The following PDE4D variants were observed in gnomAD, a reference collection of about 807,000 sequenced individuals.
The protein encoded by PDE4D is phosphodiesterase 4D, also known as 3',5'-cyclic-AMP phosphodiesterase 4D.
Under a neutral mutation model 87.4 loss-of-function variants are expected in PDE4D, and 24 were observed. That is an observed-to-expected ratio of 0.27 (90% CI 0.20 to 0.39). The LOEUF is 0.39. Ranked by LOEUF, PDE4D falls within the 10% of genes least tolerant of loss-of-function variation. PDE4D has a pLI of 1.00. For synonymous variants in PDE4D, 384 were observed against 383.2 expected (o/e 1.00, Z -0.02); for missense variants, 714 against 1,041.0 (o/e 0.69, Z 4.32).
chr5:60,225,939 G>A (rs1454354744), intron 1 of PDE4D, among the ~76,000 whole-genome samples: 2 of 151,994 alleles, frequency 1.3e-5, no homozygotes, highest in Non-Finnish European at 2.9e-5. Context: ...TGCTCCTAAC[G>A]ACTGGGCTAC....
At chr5:59,229,250 G>C (rs775065333) in intron 1 of PDE4D, among the ~76,000 whole-genome samples, 1 of 152,036 alleles carries the variant, frequency 6.6e-6, no homozygotes, top group Admixed American at 6.6e-5. Flanking sequence ...GAATACATGG[G>C]TATCTTTAGA....
At chr5:60,275,838 T>C (rs1751305120) in intron 1 of PDE4D, among the ~76,000 whole-genome samples, 1 of 152,190 alleles carries the variant, frequency 6.6e-6, no homozygotes, top group Admixed American at 6.5e-5. Context: ...TTTGTACTTT[T>C]GTTAAGCTTA....
intron 11 of PDE4D, among the ~76,000 whole-genome samples, chr5:58,981,803 T>G (rs1302509668): frequency 6.6e-6 from 1 of 152,130 alleles, no homozygotes; most frequent in Non-Finnish European, 1.5e-5. Flanking sequence ...CTGCCTGGAT[T>G]GGGTTATTTT....
At chr5:59,245,963 G>C (rs1758763732) in intron 1 of PDE4D, among the ~76,000 whole-genome samples, 1 of 151,532 alleles carries the variant, frequency 6.6e-6, no homozygotes, top group Non-Finnish European at 1.5e-5. Context: ...ACAAGTGTGT[G>C]TGTGTGTCTG....
At chr5:60,277,913 A>G (rs1180958986) in intron 1 of PDE4D, among the ~76,000 whole-genome samples, 1 of 152,156 alleles carries the variant, frequency 6.6e-6, no homozygotes, top group African/African-American at 2.4e-5. Flanking sequence ...ACATACACTT[A>G]GAACCACACC....
chr5:60,138,499 T>C (rs550713645), intron 2 of PDE4D, among the ~76,000 whole-genome samples: 5 of 152,258 alleles, frequency 3.3e-5, no homozygotes, highest in African/African-American at 9.6e-5. Context: ...CCATGGTTTT[T>C]ATTTTTCCCT....
intron 1 of PDE4D, among the ~76,000 whole-genome samples, chr5:60,326,443 T>TTA (rs1756803170): frequency 6.6e-6 from 1 of 152,156 alleles, no homozygotes; most frequent in Admixed American, 6.5e-5. Flanking sequence ...ACTAGACACT[T>TTA]TAATTCAGCA....
chr5:59,625,343 C>T (rs1234289643), intron 1 of PDE4D, among the ~76,000 whole-genome samples: 1 of 152,084 alleles, frequency 6.6e-6, no homozygotes, highest in African/African-American at 2.4e-5. Flanking sequence ...TTGCAAGAAA[C>T]TGAATTCTTC....
intron 1 of PDE4D, among the ~76,000 whole-genome samples, chr5:59,732,424 A>ACACACACACACT (rs1162082425): frequency 2.0e-5 from 3 of 151,786 alleles, no homozygotes; most frequent in Non-Finnish European, 2.9e-5. Flanking sequence ...ACACACACAC[A>ACACACACACACT]CACTCACTCA....
chr5:59,766,540 TCAGA>T (rs1762818700), intron 1 of PDE4D, among the ~76,000 whole-genome samples: 1 of 152,168 alleles, frequency 6.6e-6, no homozygotes. Context: ...GTTGCTCCAC[TCAGA>T]CTGAAATCAA....
intron 1 of PDE4D, among the ~76,000 whole-genome samples, chr5:59,375,578 G>A (rs1216202525): frequency 6.6e-6 from 1 of 152,166 alleles, no homozygotes; most frequent in Non-Finnish European, 1.5e-5. Context: ...CCCAGGACCA[G>A]ACTGATTCAC....
chr5:59,841,648 A>G (rs979415415), intron 1 of PDE4D, among the ~76,000 whole-genome samples: 8 of 152,170 alleles, frequency 5.3e-5, no homozygotes, highest in East Asian at 1.9e-4. Context: ...TTACAATTCA[A>G]TGAGATGAGG....
intron 1 of PDE4D, among the ~76,000 whole-genome samples, chr5:60,381,034 G>C (rs1439673865): frequency 6.6e-6 from 1 of 152,172 alleles, no homozygotes; most frequent in Non-Finnish European, 1.5e-5. Flanking sequence ...CTGAACTTAG[G>C]CCAGCTCCTG....
intron 2 of PDE4D, among the ~76,000 whole-genome samples, chr5:60,078,890 G>C (rs1773617183): frequency 6.6e-6 from 1 of 152,078 alleles, no homozygotes; most frequent in Non-Finnish European, 1.5e-5. Context: ...ATATTCCCTT[G>C]GGTATGTACT....
intron 10 of PDE4D, 44 bp downstream of exon 10, chr5:58,989,711 T>G: frequency 1.5e-6 from 2 of 1,336,214 alleles, no homozygotes; most frequent in Non-Finnish European, 2.1e-6. Flanking sequence ...TAGACCTTTA[T>G]GAGTGGCAAG....
chr5:59,883,938 G>A (rs1003548743), intron 1 of PDE4D, among the ~76,000 whole-genome samples: 54 of 151,494 alleles, frequency 3.6e-4, no homozygotes, highest in East Asian at 1.9e-4. Flanking sequence ...TTTTTGGGGG[G>A]GTAAGAAACA....
intron 1 of PDE4D, chr5:60,460,508 G>A (rs368060220): frequency 6.6e-7 from 1 of 1,509,754 alleles, no homozygotes. Flanking sequence ...AAAAATGGTT[G>A]GCAGAGTTTG....
intron 3 of PDE4D, among the ~76,000 whole-genome samples, chr5:59,186,123 G>T (rs1327270971): frequency 6.6e-6 from 1 of 152,150 alleles, no homozygotes; most frequent in Non-Finnish European, 1.5e-5. Context: ...TATTAGATGG[G>T]ATTATAGGTG....
At chr5:60,046,343 T>C (rs961386803) in intron 2 of PDE4D, among the ~76,000 whole-genome samples, 7 of 152,116 alleles carry the variant, frequency 4.6e-5, no homozygotes, top group East Asian at 1.9e-4. Flanking sequence ...CTTTTCCTAA[T>C]TGAATACCCT....
Sources: allele counts gnomAD v4.1 joint callset (sites outside exome capture counted in the v4.1 genomes callset), GRCh38; gene constraint gnomAD v4.1.1; transcripts MANE v1.5; gene names NCBI Gene and HGNC (gene_info 2026-07-23, HGNC 2026-07-21).